PRH1: variants seen among roughly 807,000 people sequenced by gnomAD.
PRH1 encodes the protein proline rich protein HaeIII subfamily 1, also known as salivary acidic proline-rich phosphoprotein 1/2.
PRH1 carries 7 observed loss-of-function variants against 7.9 expected under a neutral mutation model. That is an observed-to-expected ratio of 0.89 (90% CI 0.50 to 1.67). The LOEUF is 1.67. PRH1 is among the 40% of genes most tolerant of loss of function. PRH1 has a pLI of 0.00. For synonymous variants in PRH1, 45 were observed against 80.8 expected (o/e 0.56, Z 2.38); for missense variants, 109 against 223.6 (o/e 0.49, Z 3.27).
intron 1 of PRH1, among the ~76,000 whole-genome samples, chr12:11,089,363 C>G (rs527980767): frequency 8.6e-6 from 1 of 116,112 alleles, no homozygotes; most frequent in South Asian, 2.4e-4. Flanking sequence ...TACATTCTCC[C>G]TCCTCTCTCA....
intron 2 of PRH1, among the ~76,000 whole-genome samples, chr12:10,893,434 T>C (rs895812484): frequency 1.3e-5 from 2 of 152,216 alleles, no homozygotes; most frequent in African/African-American, 4.8e-5. Context: ...TAACTAGGCC[T>C]CCTATATTTT....
intron 1 of PRH1, chr12:11,046,977 C>A: frequency 4.2e-6 from 2 of 477,320 alleles, no homozygotes; most frequent in Admixed American, 2.3e-5. Context: ...TCTGAATCAT[C>A]AAGATTAGTG....
At chr12:11,077,318 G>A (rs1332469181) in intron 1 of PRH1, 1 of 290,942 alleles carries the variant, frequency 3.4e-6, no homozygotes, top group African/African-American at 2.4e-5. Flanking sequence ...TGAATCTATG[G>A]AGTTGAGGGT....
At chr12:10,882,076 A>T in intron 3 of PRH1, 141 bp downstream of exon 3, 1 of 1,483,854 alleles carries the variant, frequency 6.7e-7, no homozygotes. Flanking sequence ...TACTCTATAC[A>T]AGAATATCTG....
At chr12:11,168,206 AAAGAAAGAAGAAAGAAAG>A (rs1947643993) in intron 1 of PRH1, among the ~76,000 whole-genome samples, 2 of 39,778 alleles carry the variant, frequency 5.0e-5, no homozygotes, top group African/African-American at 4.6e-5. Flanking sequence ...AAAACGAAAG[AAAGAAAGAAGAAAGAAAG>A]AAAGAAAGAA....
chr12:11,161,956 T>C (rs1947431480), intron 1 of PRH1, among the ~76,000 whole-genome samples: 1 of 152,178 alleles, frequency 6.6e-6, no homozygotes, highest in African/African-American at 2.4e-5. Flanking sequence ...ATTAAAAACT[T>C]TATATGTTGC....
chr12:11,015,331 A>C (rs73047109), intron 1 of PRH1, among the ~76,000 whole-genome samples: 4 of 140,494 alleles, frequency 2.8e-5, no homozygotes, highest in African/African-American at 1.1e-4. Context: ...TCAAAGGTCT[A>C]ACACTGCACT....
chr12:10,988,499 A>G (rs1005214151), intron 1 of PRH1, among the ~76,000 whole-genome samples: 1 of 152,194 alleles, frequency 6.6e-6, no homozygotes, highest in South Asian at 2.1e-4. Context: ...TAAGAGTTGT[A>G]TAAAAATGTG....
In PRH1 at chr12:11,144,034, T is replaced by C. The variant is rs928766170; in HGVS notation, n.40-22854A>G. ...ACTCCACGGGGGTCCTTAGCTTTGGTGGTTTAATGCTCTATTTTTGTGCTG... is the reference window on the plus strand; with the variant it reads ...ACTCCACGGGGGTCCTTAGCTTTGGCGGTTTAATGCTCTATTTTTGTGCTG... On this transcript the variant is annotated intron_variant and non_coding_transcript_variant, in intron 1 of 1. Transcript: ENST00000541175. Among the ~76,000 whole-genome samples the C allele has an allele frequency of 2.0e-5, 3 of 151,994 alleles. No individual in the cohort carries two copies. The East Asian group carries it at 5.8e-4, about 29-fold the overall frequency.
At chr12:11,107,495 C>T (rs956116559) in intron 1 of PRH1, among the ~76,000 whole-genome samples, 37 of 152,174 alleles carry the variant, frequency 2.4e-4, no homozygotes, top group African/African-American at 8.7e-4. Context: ...ATATTCAGTG[C>T]AATCCCTATC....
At chr12:11,148,557 G>T (rs1336117177) in intron 1 of PRH1, among the ~76,000 whole-genome samples, 3 of 147,056 alleles carry the variant, frequency 2.0e-5, no homozygotes, top group African/African-American at 7.5e-5. Context: ...TGTGGTTTTT[G>T]TCTTTGGTTC....
chr12:11,102,221 G>C (rs545373828), intron 1 of PRH1, among the ~76,000 whole-genome samples: 1 of 152,254 alleles, frequency 6.6e-6, no homozygotes, highest in African/African-American at 2.4e-5. Flanking sequence ...CCAAAAAAGA[G>C]CCTGCATTGC....
intron 1 of PRH1, among the ~76,000 whole-genome samples, chr12:11,101,932 C>A (rs1318129271): frequency 6.6e-6 from 1 of 152,052 alleles, no homozygotes; most frequent in Non-Finnish European, 1.5e-5. Flanking sequence ...CATGAGTGAA[C>A]TCCCATTCAC....
intron 2 of PRH1, among the ~76,000 whole-genome samples, chr12:10,941,500 CA>C (rs1188214368): frequency 6.6e-6 from 1 of 151,634 alleles, no homozygotes; most frequent in African/African-American, 2.4e-5. Flanking sequence ...TTTTATGCAT[CA>C]AAATTTATGT....
intron 2 of PRH1, among the ~76,000 whole-genome samples, chr12:10,919,971 C>A (rs762131573): frequency 8.7e-5 from 13 of 149,966 alleles, no homozygotes; most frequent in Non-Finnish European, 1.3e-4. Context: ...TCAATTAAGG[C>A]TCACTTCAGC....
intron 1 of PRH1, chr12:11,062,025 T>C (rs376408921): frequency 1.9e-5 from 30 of 1,613,642 alleles, no homozygotes; most frequent in Non-Finnish European, 2.1e-5. Context: ...AATGGTTGAT[T>C]ACTGCCCAGA....
At chr12:11,072,137 T>TG in intron 1 of PRH1, among the ~76,000 whole-genome samples, 1 of 151,548 alleles carries the variant, frequency 6.6e-6, no homozygotes, top group East Asian at 1.9e-4. Flanking sequence ...CAAACTAATT[T>TG]TTGTTGTTGT....
intron 1 of PRH1, among the ~76,000 whole-genome samples, chr12:11,040,925 A>G (rs926984286): frequency 6.6e-6 from 1 of 152,150 alleles, no homozygotes; most frequent in Non-Finnish European, 1.5e-5. Context: ...GCCTCATGGT[A>G]ATCTCAAACC....
intron 1 of PRH1, among the ~76,000 whole-genome samples, chr12:11,101,546 T>C (rs1248886335): frequency 6.6e-6 from 1 of 152,190 alleles, no homozygotes; most frequent in Non-Finnish European, 1.5e-5. Context: ...ACCATAATCC[T>C]CTATTCTTTA....
Sources: allele counts gnomAD v4.1 joint callset (sites outside exome capture counted in the v4.1 genomes callset), GRCh38; gene constraint gnomAD v4.1.1; transcripts MANE v1.5; gene names NCBI Gene and HGNC (gene_info 2026-07-23, HGNC 2026-07-21).